Variants in TM2D2 observed in about 807,000 individuals in gnomAD.
TM2D2 encodes TM2 domain containing 2, also known as TM2 domain-containing protein 2.
TM2D2 carries 19 observed loss-of-function variants against 23.0 expected under a neutral mutation model. The observed-to-expected ratio is 0.82, with a 90% CI of 0.58 to 1.21. The LOEUF (loss-of-function observed/expected upper bound fraction) is 1.21, where lower values mean the gene tolerates loss of function less well. TM2D2 is among the 50% of genes most tolerant of loss of function. The pLI is 0.00. For missense variants in TM2D2, 246 were observed against 265.4 expected (o/e 0.93, Z 0.51); for synonymous variants, 120 against 108.8 (o/e 1.10, Z -0.64).
At position 38,991,275 on chromosome 8, in the gene TM2D2, A is replaced by G; in HGVS notation, c.*57T>C. 2.9e-6 allele frequency: 4 copies of G among 1,399,924 alleles called. No individual in the cohort carries two copies. The East Asian group carries it at 7.2e-5, about 25-fold the overall frequency. 86.7% of individuals were successfully genotyped at this position (1,399,924 alleles called of 1,614,324 possible). On this transcript the variant is annotated 3_prime_UTR_variant, in exon 4 of 4. Transcript: ENST00000456397. ...AAAGAGGAGTTTTGAGCCTGTAGAG[A>G]TGAATTCAGAAGACGGAGCTTTCAC...
chr8:38,996,966 C>T, upstream of TM2D2: 1 of 1,508,032 alleles, frequency 6.6e-7, no homozygotes, highest in Admixed American at 2.0e-5. Flanking sequence ...GCGCGCGCTT[C>T]CCGGCCAGAC....
rs1254317649 is a variant in TM2D2 at position 38,996,505 on chromosome 8, G to A, written c.-66C>T. ...CCCCAGGCCAGCAGCACAGACCCAA[G>A]AACTGCGTGGTCAGGCCTTTCCGCG... is the stretch of plus-strand genomic sequence containing the variant. On this transcript the variant is annotated 5_prime_UTR_variant, in exon 1 of 4. Transcript: ENST00000456397. 8.2e-6 allele frequency: 13 copies of A among 1,593,404 alleles called. No individual in the cohort carries two copies. The highest frequency in any genetic ancestry group is 2.3e-5 in the East Asian group (1 of 44,370).
intron 3 of TM2D2, among the ~76,000 whole-genome samples, chr8:38,992,877 T>G (rs116785321): frequency 3.7e-4 from 57 of 152,370 alleles, no homozygotes; most frequent in African/African-American, 1.3e-3. Flanking sequence ...TTATCCACTG[T>G]GCTGACACAG....
At position 38,995,845 on chromosome 8, in the gene TM2D2, G is replaced by C. The variant is rs138485850; in HGVS notation, c.227+368C>G. The C allele has an allele frequency of 7.6e-5, 88 of 1,158,580 alleles. No individual in the cohort carries two copies. The East Asian group carries it at 3.6e-3, about 47-fold the overall frequency. 71.8% of individuals were successfully genotyped at this position (1,158,580 alleles called of 1,614,324 possible). A position where few individuals can be genotyped will look rare whatever the true frequency, so the allele number is the denominator to read the frequency against. Reference sequence around the variant, plus strand: ...TTTTTTAAAAGATGCCTTGTAGGCAGAGACAAGTCATTTACTCCATTTATG... The same window carrying C: ...TTTTTTAAAAGATGCCTTGTAGGCACAGACAAGTCATTTACTCCATTTATG... On this transcript the variant is annotated intron_variant, in intron 1 of 3. Transcript: ENST00000456397.
intron 1 of TM2D2, 143 bp from the exon 2 acceptor site, chr8:38,995,548 G>A: frequency 6.6e-7 from 1 of 1,518,910 alleles, no homozygotes; most frequent in Non-Finnish European, 8.8e-7. Flanking sequence ...CCCTTTCCAA[G>A]CCAATTAAAC....
At position 38,989,437 on chromosome 8, in the gene TM2D2, G is replaced by C. The variant is rs1475422590; in HGVS notation, c.*1895C>G. 3.3e-5 allele frequency: 5 copies of C among 152,288 alleles called. No individual in the cohort carries two copies. Among genetic ancestry groups the C allele is most frequent in the Admixed American group, 2.0e-4 (3 of 15,260 alleles). 9.4% of individuals were successfully genotyped at this position (152,288 alleles called of 1,614,324 possible). On this transcript the variant is annotated 3_prime_UTR_variant, in exon 4 of 4. Transcript: ENST00000456397. ...TTACCTCAGCCTCCCGAGTAGCTGG[G>C]ATTACAGGTGCACGCCACCACGCCC...
chr8:38,990,987 T>C lies in TM2D2; in HGVS notation c.*345A>G. 7.6e-6 allele frequency: 2 copies of C among 264,120 alleles called. No homozygotes were observed. The highest frequency in any genetic ancestry group is 1.5e-5 in the Non-Finnish European group (2 of 137,248). The allele number at this position is 264,120 out of a possible 1,614,324, so 16.4% of individuals were successfully genotyped here. On this transcript the variant is annotated 3_prime_UTR_variant, in exon 4 of 4. Transcript: ENST00000456397. ...CAAATATTCATTTTGCTCAACTTGT[T>C]AGGTCCACTTGCTCCAAAGGACTGA...
At chr8:38,996,716 A>G, upstream of TM2D2, 1 of 1,413,406 alleles carries the variant, frequency 7.1e-7, no homozygotes, top group Non-Finnish European at 9.2e-7. Context: ...GCGTTCTCCA[A>G]TCGGATCCGT....
chr8:38,996,745 G>A (rs908100576), upstream of TM2D2: 279 of 1,418,900 alleles, frequency 2.0e-4, 3 homozygotes, highest in South Asian at 3.7e-3. Flanking sequence ...CTAGGTGGGC[G>A]TGCCCGGCAG....
In TM2D2 at chr8:38,995,155, T is replaced by C. The variant is rs943070363; in HGVS notation, c.315+163A>G. On this transcript the variant is annotated intron_variant, in intron 2 of 3. Coordinates refer to ENST00000456397, the MANE Select transcript of TM2D2 (RefSeq NM_078473.3). ...CTCCTTCATAAGGAAACCAAATATC[T>C]TGTTCAGTCACTGACCCTGGCCATA... The C allele has an allele frequency of 1.2e-5, 7 of 568,978 alleles. 1 individual carries two copies. In the South Asian group the frequency reaches 1.4e-4, roughly 12 times the overall value. The allele number at this position is 568,978 out of a possible 1,614,324, so 35.2% of individuals were successfully genotyped here.
At position 38,990,185 on chromosome 8, in the gene TM2D2, G is replaced by C. The variant is rs1348367519; in HGVS notation, c.*1147C>G. 6.6e-6 allele frequency: 1 copy of C among 152,178 alleles called. No homozygotes were observed. The highest frequency in any genetic ancestry group is 1.5e-5 in the Non-Finnish European group (1 of 68,036). 9.4% of individuals were successfully genotyped at this position (152,178 alleles called of 1,614,324 possible). ...TTCTTAGGAAAGCTACAAAATGATA[G>C]AATGTATCCAGGGAAGTTATTTCAA... is the stretch of plus-strand genomic sequence containing the variant. On this transcript the variant is annotated 3_prime_UTR_variant, in exon 4 of 4. Coordinates refer to ENST00000456397, the MANE Select transcript of TM2D2 (RefSeq NM_078473.3).
In TM2D2 at chr8:38,995,421, A is replaced by G. The variant is rs1357844091; in HGVS notation, c.228-16T>C. On this transcript the variant is annotated splice_polypyrimidine_tract_variant and intron_variant, in intron 1 of 3. Transcript: ENST00000456397. ...TTCATCAGGTCTGTAATTCACCAGTAAGATCATGATCATCATCATACGGTC... is the reference window on the plus strand; with the variant it reads ...TTCATCAGGTCTGTAATTCACCAGTGAGATCATGATCATCATCATACGGTC... 19 of 1,612,578 alleles carry G rather than the reference A, an allele frequency of 1.2e-5. No homozygotes were observed. The South Asian group carries it at 2.1e-4, about 18-fold the overall frequency.
At chr8:38,995,775 T>A (rs1835755391) in intron 1 of TM2D2, 3 of 1,252,390 alleles carry the variant, frequency 2.4e-6, no homozygotes, top group Non-Finnish European at 3.0e-6. Flanking sequence ...CAAAAAGAGA[T>A]GTTAAAAAAT....
intron 3 of TM2D2, 129 bp from the exon 4 acceptor site, chr8:38,991,674 T>C (rs1259560815): frequency 2.7e-6 from 2 of 733,296 alleles, no homozygotes; most frequent in African/African-American, 3.5e-5. Context: ...CTCCATTTTG[T>C]TTTCTTTTAT....
Position 38,989,946 on chromosome 8 carries a change from T to C in TM2D2, c.*1386A>G, listed in dbSNP as rs545276075. 1 of 152,300 alleles carries C rather than the reference T, an allele frequency of 6.6e-6. No individual in the cohort carries two copies. The highest frequency in any genetic ancestry group is 2.4e-5 in the African/African-American group (1 of 41,572). 9.4% of individuals were successfully genotyped at this position (152,300 alleles called of 1,614,324 possible). A position where few individuals can be genotyped will look rare whatever the true frequency, so the allele number is the denominator to read the frequency against. On this transcript the variant is annotated 3_prime_UTR_variant, in exon 4 of 4. Coordinates refer to ENST00000456397, the MANE Select transcript of TM2D2 (RefSeq NM_078473.3). The stretch of plus-strand genomic sequence containing the variant: ...TTTTCTGGGGAGAGGGTCTAGTTTC[T>C]TCATGACCCATAAAAATTTAATAAA...
intron 1 of TM2D2, 85 bp downstream of exon 1, chr8:38,996,128 G>C (rs753477662): frequency 1.0e-5 from 15 of 1,451,518 alleles, no homozygotes; most frequent in East Asian, 9.6e-5. Flanking sequence ...AAAATGCAGC[G>C]TCCCCCCAAC....
At chr8:38,992,133 A>C (rs1021187825) in intron 3 of TM2D2, among the ~76,000 whole-genome samples, 24 of 152,048 alleles carry the variant, frequency 1.6e-4, no homozygotes, top group Non-Finnish European at 4.4e-5. Context: ...ACAGCCAGAA[A>C]GGTTTTTAAG....
upstream of TM2D2, chr8:38,996,918 C>CCG (rs573154991): frequency 7.2e-4 from 1,040 of 1,440,396 alleles, 1 homozygote; most frequent in African/African-American, 5.2e-3. Flanking sequence ...TGCGTCAGTG[C>CCG]CGCGCGCGTG....
intron 1 of TM2D2, 56 bp downstream of exon 1, chr8:38,996,157 C>A: frequency 6.4e-7 from 1 of 1,572,632 alleles, no homozygotes; most frequent in Admixed American, 1.8e-5. Context: ...CCCTTAACAC[C>A]CATATATTCC....
Sources: gnomAD v4.1 joint callset for allele counts (sites outside exome capture counted in the v4.1 genomes callset) on GRCh38, gnomAD v4.1.1 for gene constraint, MANE v1.5 for transcripts, NCBI Gene and HGNC (gene_info 2026-07-23, HGNC 2026-07-21) for gene names.